Variants in RARB observed in about 807,000 individuals in gnomAD.
RARB encodes the protein HBV-activated protein.
A neutral mutation model predicts 51.9 loss-of-function variants in RARB; 17 were observed. The ratio of observed to expected loss-of-function variants is 0.33; its 90% CI spans 0.22 to 0.49. The LOEUF (loss-of-function observed/expected upper bound fraction) is 0.49. Among genes scored for constraint, RARB ranks in the 20% least tolerant of loss-of-function variants. The pLI is 0.99. For missense variants in RARB, 369 were observed against 550.8 expected, an observed-to-expected ratio of 0.67 and a Z score of 3.30; for synonymous variants, 215 against 195.4, an observed-to-expected ratio of 1.10 and a Z score of -0.84.
At chr3:25,465,123 G>A (rs547524834) in intron 2 of RARB, among the ~76,000 whole-genome samples, 2 of 152,068 alleles carry the variant, frequency 1.3e-5, no homozygotes, top group Non-Finnish European at 2.9e-5. Flanking sequence ...TAAGGCTTTC[G>A]AATCAGATTG....
intron 2 of RARB, among the ~76,000 whole-genome samples, chr3:24,914,081 A>G (rs1265009434): frequency 1.3e-5 from 2 of 152,202 alleles, no homozygotes; most frequent in Non-Finnish European, 2.9e-5. Context: ...CTGTGATGCT[A>G]CTTAAGCAGC....
chr3:25,160,488 C>T (rs1433619645), intron 4 of RARB, among the ~76,000 whole-genome samples: 1 of 152,156 alleles, frequency 6.6e-6, no homozygotes, highest in Admixed American at 6.5e-5. Context: ...AAGTTTCTCT[C>T]ACTACCCAAC....
intron 2 of RARB, among the ~76,000 whole-genome samples, chr3:25,492,293 T>C (rs1696780430): frequency 6.6e-6 from 1 of 152,246 alleles, no homozygotes; most frequent in Non-Finnish European, 1.5e-5. Flanking sequence ...TATTTTCACC[T>C]AAATTAAAGG....
At chr3:25,140,627 A>G (rs1432517404) in intron 4 of RARB, among the ~76,000 whole-genome samples, 1 of 152,236 alleles carries the variant, frequency 6.6e-6, no homozygotes, top group Non-Finnish European at 1.5e-5. Flanking sequence ...AGAATATTCC[A>G]TAAACTTAGT....
chr3:24,995,231 G>GT (rs58230981), intron 2 of RARB, among the ~76,000 whole-genome samples: 115,865 of 150,028 alleles, frequency 0.77, 44,986 homozygotes, highest in East Asian at 0.94. Flanking sequence ...ATTTCCAGGT[G>GT]TTTTTTTTTA....
At chr3:25,497,584 G>T (rs557245366) in intron 2 of RARB, among the ~76,000 whole-genome samples, 8 of 152,218 alleles carry the variant, frequency 5.3e-5, no homozygotes, top group South Asian at 4.1e-4. Flanking sequence ...CAAGTAAACT[G>T]CCCAATCCCT....
At chr3:25,335,490 T>C (rs1306704095) in intron 5 of RARB, among the ~76,000 whole-genome samples, 1 of 152,168 alleles carries the variant, frequency 6.6e-6, no homozygotes, top group Non-Finnish European at 1.5e-5. Flanking sequence ...TTGGCTTCTG[T>C]CTCCTGCCTT....
intron 5 of RARB, among the ~76,000 whole-genome samples, chr3:25,330,256 G>A (rs1704852025): frequency 6.6e-6 from 1 of 152,110 alleles, no homozygotes; most frequent in Non-Finnish European, 1.5e-5. Flanking sequence ...GTTAAGGGCA[G>A]CCAGAGAGAA....
intron 5 of RARB, among the ~76,000 whole-genome samples, chr3:25,366,853 C>G (rs1706136061): frequency 6.6e-6 from 1 of 152,106 alleles, no homozygotes; most frequent in South Asian, 2.1e-4. Context: ...CTCATTTTAC[C>G]TCATGAGGTA....
At chr3:24,976,065 C>G (rs1014137443) in intron 2 of RARB, among the ~76,000 whole-genome samples, 2 of 152,218 alleles carry the variant, frequency 1.3e-5, no homozygotes, top group Non-Finnish European at 1.5e-5. Context: ...TGATGGTTTC[C>G]AGCTTCATCC....
In RARB at chr3:25,463,657, A is replaced by G. The variant is rs150190738; in HGVS notation, c.306+2316A>G. ...CAGCCTGACGACAGAGTGAGACTCC[A>G]TCTCAAAAAAAAAAAAAAGATTGTA... On this transcript the variant is annotated intron_variant, in intron 2 of 7. Transcript: ENST00000330688. 6.6e-3 allele frequency among the ~76,000 whole-genome samples: 988 copies of G among 150,352 alleles called. 10 individuals are homozygous for G. Among genetic ancestry groups the G allele is most frequent in the African/African-American group, 0.023 (936 of 40,944 alleles).
intron 5 of RARB, among the ~76,000 whole-genome samples, chr3:25,417,223 G>C (rs2125504265): frequency 6.7e-6 from 1 of 150,146 alleles, no homozygotes; most frequent in South Asian, 2.1e-4. Flanking sequence ...ACTGCTGCCT[G>C]TCTCTGAATC....
At chr3:25,300,158 T>C (rs1286774326) in intron 5 of RARB, among the ~76,000 whole-genome samples, 1 of 152,238 alleles carries the variant, frequency 6.6e-6, no homozygotes, top group Non-Finnish European at 1.5e-5. Flanking sequence ...CTGTTATCGC[T>C]GCTGCCATGT....
At chr3:24,909,478 A>G (rs1246796253) in intron 2 of RARB, among the ~76,000 whole-genome samples, 1 of 152,056 alleles carries the variant, frequency 6.6e-6, no homozygotes, top group Non-Finnish European at 1.5e-5. Context: ...TGTGCACACG[A>G]GGCCTGTCTC....
chr3:25,083,351 G>A (rs1294428424), intron 3 of RARB, among the ~76,000 whole-genome samples: 2 of 151,874 alleles, frequency 1.3e-5, no homozygotes, highest in Non-Finnish European at 2.9e-5. Context: ...TCCATTTTTA[G>A]CATCGTGCTT....
At chr3:25,001,375 C>G (rs922711804) in intron 2 of RARB, among the ~76,000 whole-genome samples, 75 of 152,262 alleles carry the variant, frequency 4.9e-4, no homozygotes, top group African/African-American at 1.6e-3. Context: ...CCCAAAGGAA[C>G]AAATGACTTT....
rs186660122 is a variant in RARB at position 25,199,809 on chromosome 3, T to A, written c.178+25234T>A. Among the ~76,000 whole-genome samples, 946 of 152,338 alleles carry A rather than the reference T, an allele frequency of 6.2e-3. 18 individuals carry two copies. Among genetic ancestry groups the A allele is most frequent in the East Asian group, 0.03 (155 of 5,190 alleles). Reference sequence around the variant, plus strand: ...TTTATGGCTGCATAGTATTCCACCGTGTATATGTGCCACATTTTCTTAATC... The same window carrying A: ...TTTATGGCTGCATAGTATTCCACCGAGTATATGTGCCACATTTTCTTAATC... On this transcript the variant is annotated intron_variant, in intron 5 of 11. Transcript: ENST00000383772.
At chr3:25,465,830 T>TA (rs58803810) in intron 2 of RARB, among the ~76,000 whole-genome samples, 22,678 of 152,040 alleles carry the variant, frequency 0.15, 1,861 homozygotes, top group African/African-American at 0.2. Flanking sequence ...AAAGCAATAT[T>TA]AAAAAAATAA....
intron 4 of RARB, among the ~76,000 whole-genome samples, chr3:25,139,588 G>A: frequency 6.6e-6 from 1 of 152,134 alleles, no homozygotes; most frequent in Non-Finnish European, 1.5e-5. Context: ...TTTAAGCAAA[G>A]CCATCTCCAT....
Sources: gnomAD v4.1 joint callset for allele counts (sites outside exome capture counted in the v4.1 genomes callset) on GRCh38, gnomAD v4.1.1 for gene constraint, MANE v1.5 for transcripts, NCBI Gene and HGNC (gene_info 2026-07-23, HGNC 2026-07-21) for gene names.